CALD1: variants seen among roughly 807,000 people sequenced by gnomAD.
CALD1 encodes the protein caldesmon.
CALD1 carries 33 observed loss-of-function variants against 99.9 expected under a neutral mutation model. The ratio of observed to expected loss-of-function variants is 0.33; its 90% confidence interval spans 0.25 to 0.44. CALD1 has a LOEUF of 0.44. CALD1 is among the 20% of genes least tolerant of loss of function. The pLI is 1.00. For missense variants in CALD1, 861 were observed against 962.1 expected (o/e 0.89, Z 1.39); for synonymous variants, 310 against 325.0 (o/e 0.95, Z 0.50).
the CALD1 span, among the ~76,000 whole-genome samples, chr7:134,738,346 C>T: frequency 3.2e-4 from 49 of 152,302 alleles, 1 homozygote; most frequent in African/African-American, 1.1e-3. Context: ...ATCCTCAAAT[C>T]CTAGGCATAC....
At chr7:134,755,232 C>A (rs1166624743) in intron 1 of CALD1, among the ~76,000 whole-genome samples, 2 of 152,168 alleles carry the variant, frequency 1.3e-5, no homozygotes, top group Non-Finnish European at 2.9e-5. Context: ...AACTCCTGAC[C>A]TCAAGTGATC....
At chr7:134,934,507 G>A (rs1017806238) in intron 5 of CALD1, among the ~76,000 whole-genome samples, 2 of 152,100 alleles carry the variant, frequency 1.3e-5, no homozygotes, top group South Asian at 4.1e-4. Flanking sequence ...CTCACTCATG[G>A]GTTTGACGTT....
intron 3 of CALD1, among the ~76,000 whole-genome samples, chr7:134,913,407 C>T (rs919947698): frequency 4.6e-5 from 7 of 152,282 alleles, no homozygotes; most frequent in African/African-American, 1.7e-4. Flanking sequence ...GTTTTATGAA[C>T]ATTAATAGAT....
At chr7:134,891,561 C>G in intron 3 of CALD1, 2 of 1,565,228 alleles carry the variant, frequency 1.3e-6, no homozygotes, top group South Asian at 1.2e-5. Flanking sequence ...ACGCCCTGAC[C>G]GCCCGGCCTG....
Position 134,958,227 on chromosome 7 carries a change from C to T in CALD1, c.1998C>T (p.Thr666=). The change falls in exon 11 of 15, where the codon ACC becomes ACT. Residue 666 remains threonine (T), a synonymous_variant. Coordinates refer to ENST00000361675, the MANE Select transcript of CALD1 (RefSeq NM_033138.4). The part of the protein sequence containing the change: ...SVQKSSGVKS[T]HQAAIVSKID... ...TTTTTAGCAGTGGTGTCAAATCGAC[C>T]CATCAAGCAGCAATAGTCTCCAAGA... The T allele has an allele frequency of 6.2e-7, 1 of 1,613,746 alleles. No homozygotes were observed. The highest frequency in any genetic ancestry group is 2.2e-5 in the East Asian group (1 of 44,850).
chr7:134,759,685 G>A (rs940932980), intron 1 of CALD1, among the ~76,000 whole-genome samples: 2 of 152,216 alleles, frequency 1.3e-5, no homozygotes, highest in Non-Finnish European at 2.9e-5. Flanking sequence ...TAAGTTATTT[G>A]TAGATGACTA....
intron 1 of CALD1, among the ~76,000 whole-genome samples, chr7:134,758,498 TG>T (rs200479851): frequency 9.5e-6 from 1 of 105,202 alleles, no homozygotes; most frequent in African/African-American, 3.6e-5. Flanking sequence ...CAGCTCCCAT[TG>T]GGGTGTGTGT....
At chr7:134,928,469 T>G (rs1805228526) in intron 3 of CALD1, among the ~76,000 whole-genome samples, 1 of 151,578 alleles carries the variant, frequency 6.6e-6, no homozygotes, top group African/African-American at 2.4e-5. Flanking sequence ...AACCCACAGT[T>G]TCCAAAGGCA....
chr7:134,739,133 T>G, the CALD1 span, among the ~76,000 whole-genome samples: 10 of 152,168 alleles, frequency 6.6e-5, no homozygotes, highest in Non-Finnish European at 1.3e-4. Context: ...AGCTTTACTT[T>G]GAATGGTTTT....
At chr7:134,929,975 G>C (rs1250838886) in intron 4 of CALD1, among the ~76,000 whole-genome samples, 1 of 151,964 alleles carries the variant, frequency 6.6e-6, no homozygotes, top group Non-Finnish European at 1.5e-5. Context: ...TAGTTTAGTA[G>C]AGTCCTCCAT....
chr7:134,927,668 T>C (rs1037040725), intron 3 of CALD1, among the ~76,000 whole-genome samples: 3 of 150,802 alleles, frequency 2.0e-5, no homozygotes, highest in Non-Finnish European at 4.4e-5. Context: ...CTGTGGGCCA[T>C]TGTGATGTGC....
intron 9 of CALD1, 125 bp from the exon 10 acceptor site, chr7:134,957,944 C>T: frequency 1.4e-6 from 1 of 708,904 alleles, no homozygotes; most frequent in Middle Eastern, 3.9e-4. Flanking sequence ...CGCACAGTAA[C>T]TCAAATACCC....
At chr7:134,820,895 G>A (rs1177888808) in intron 1 of CALD1, among the ~76,000 whole-genome samples, 3 of 151,996 alleles carry the variant, frequency 2.0e-5, no homozygotes, top group African/African-American at 7.2e-5. Context: ...ATGGACAAAG[G>A]GATACATTCC....
intron 1 of CALD1, among the ~76,000 whole-genome samples, chr7:134,839,110 T>C (rs1361157327): frequency 2.0e-5 from 3 of 152,222 alleles, no homozygotes; most frequent in Admixed American, 6.5e-5. Context: ...CACTGCCTCA[T>C]GATAACCATT....
rs150681144 is a variant in CALD1 at position 134,931,066 on chromosome 7, T to C, written c.219-1922T>C. ...TCGGATATTTGGCTGTTATTCATTA[T>C]TTCATGCTATTAATTGAAATCAAAT... On this transcript the variant is annotated intron_variant, in intron 4 of 14. Coordinates refer to ENST00000361675, the MANE Select transcript of CALD1 (RefSeq NM_033138.4). 6.1e-3 allele frequency among the ~76,000 whole-genome samples: 932 copies of C among 152,342 alleles called. 7 individuals carry two copies. Among genetic ancestry groups the C allele is most frequent in the African/African-American group, 0.021 (874 of 41,578 alleles).
At chr7:134,959,066 C>G (rs1254153690) in intron 11 of CALD1, among the ~76,000 whole-genome samples, 1 of 151,588 alleles carries the variant, frequency 6.6e-6, no homozygotes, top group Non-Finnish European at 1.5e-5. Flanking sequence ...TTTCATAGCA[C>G]TTAGCACAAT....
chr7:134,955,564 G>A (rs1421444555), intron 9 of CALD1, among the ~76,000 whole-genome samples: 1 of 152,204 alleles, frequency 6.6e-6, no homozygotes, highest in Non-Finnish European at 1.5e-5. Context: ...TTCATGGCTT[G>A]CAGATGGCTG....
chr7:134,947,778 G>A lies in CALD1; in HGVS notation c.1794+9G>A, dbSNP rs768260180. On this transcript the variant is annotated intron_variant, in intron 8 of 14. Transcript: ENST00000361675. Reference sequence around the variant, plus strand: ...GAAAACTCAGAGAGGAGGTAAGGCGGGCGCTAGCCCACTGAGAACGTTGCC... The same window carrying A: ...GAAAACTCAGAGAGGAGGTAAGGCGAGCGCTAGCCCACTGAGAACGTTGCC... 6 of 1,611,386 alleles carry A rather than the reference G, an allele frequency of 3.7e-6. No homozygotes were observed. In the Admixed American group the frequency reaches 1.0e-4, roughly 27 times the overall value.
At chr7:134,751,907 C>T (rs578156009) in intron 1 of CALD1, among the ~76,000 whole-genome samples, 1 of 152,060 alleles carries the variant, frequency 6.6e-6, no homozygotes, top group African/African-American at 2.4e-5. Flanking sequence ...AGCCAGGGGA[C>T]GGAGGTTGCA....
Sources: gnomAD v4.1 joint callset for allele counts (sites outside exome capture counted in the v4.1 genomes callset) on GRCh38, gnomAD v4.1.1 for gene constraint, MANE v1.5 for transcripts, NCBI Gene and HGNC (gene_info 2026-07-23, HGNC 2026-07-21) for gene names.